The following PIK3C2G variants were observed in gnomAD, a reference collection of about 807,000 sequenced individuals.
PIK3C2G encodes phosphatidylinositol-4-phosphate 3-kinase catalytic subunit type 2 gamma, also known as phosphatidylinositol 3-kinase C2 domain-containing subunit gamma.
A neutral mutation model predicts 181.1 loss-of-function variants in PIK3C2G; 168 were observed. That is an observed-to-expected ratio of 0.93 (90% CI 0.82 to 1.05). The LOEUF (loss-of-function observed/expected upper bound fraction) is 1.05. Among genes scored for constraint, PIK3C2G ranks in the 50% least tolerant of loss-of-function variants. The pLI is 0.00. For missense variants in PIK3C2G, 1,869 were observed against 1,732.8 expected (o/e 1.08, Z -1.40); for synonymous variants, 573 against 592.2 (o/e 0.97, Z 0.47).
intron 1 of PIK3C2G, among the ~76,000 whole-genome samples, chr12:18,276,803 T>C (rs1949005329): frequency 6.6e-6 from 1 of 152,142 alleles, no homozygotes; most frequent in South Asian, 2.1e-4. Flanking sequence ...AATGTGCAAA[T>C]GAGTAATAGG....
chr12:18,265,396 C>A, intron 1 of PIK3C2G, among the ~76,000 whole-genome samples: 2 of 152,176 alleles, frequency 1.3e-5, no homozygotes, highest in Middle Eastern at 3.4e-3. Context: ...GATGGAAAAG[C>A]TAAATATATA....
intron 31 of PIK3C2G, among the ~76,000 whole-genome samples, chr12:18,635,032 C>T (rs80109034): frequency 0.091 from 13,871 of 152,230 alleles, 875 homozygotes; most frequent in Non-Finnish European, 0.14. Flanking sequence ...ATTTCTCCTT[C>T]CAAGCAAAGT....
intron 18 of PIK3C2G, among the ~76,000 whole-genome samples, chr12:18,458,838 G>A (rs1383797299): frequency 6.6e-6 from 1 of 151,092 alleles, no homozygotes; most frequent in South Asian, 2.1e-4. Context: ...AGTGGCCCCT[G>A]GCTGACAGCC....
In PIK3C2G at chr12:18,399,676, AAAGAT is replaced by A; in HGVS notation, c.2146_2150del (p.Arg716PhefsTer10). On this transcript the variant is annotated frameshift_variant, in exon 16 of 33. Transcript: ENST00000538779. LOFTEE classifies it high-confidence loss of function. ...TTTTTCAGACTCTCTGAAGAAAAGA[AAAGAT>A]ATTTATGGTTTTATCGCTTCTACTG... is the stretch of plus-strand genomic sequence containing the variant. The A allele has an allele frequency of 6.4e-7, 1 of 1,565,558 alleles. No homozygotes were observed. Among genetic ancestry groups the A allele is most frequent in the Non-Finnish European group, 8.7e-7 (1 of 1,148,776 alleles).
intron 26 of PIK3C2G, among the ~76,000 whole-genome samples, chr12:18,561,275 G>T (rs757108573): frequency 6.6e-6 from 1 of 152,042 alleles, no homozygotes; most frequent in Admixed American, 6.6e-5. Flanking sequence ...TGTACTATAC[G>T]GTACAGTTCA....
chr12:18,473,437 C>A (rs1310421481), intron 18 of PIK3C2G, among the ~76,000 whole-genome samples: 1 of 152,138 alleles, frequency 6.6e-6, no homozygotes, highest in Non-Finnish European at 1.5e-5. Context: ...GTCTGTAGAC[C>A]TTTTTATATG....
At chr12:18,424,423 T>A (rs1213298209) in intron 18 of PIK3C2G, among the ~76,000 whole-genome samples, 2 of 152,220 alleles carry the variant, frequency 1.3e-5, no homozygotes, top group African/African-American at 4.8e-5. Context: ...CTGTGCAATA[T>A]TAGTTATAAA....
At chr12:18,663,845 C>T in the PIK3C2G span, among the ~76,000 whole-genome samples, 2 of 152,232 alleles carry the variant, frequency 1.3e-5, no homozygotes, top group East Asian at 3.9e-4. Context: ...GCAAATCATA[C>T]ATCTTATAAG....
intron 25 of PIK3C2G, 45 bp downstream of exon 25, chr12:18,538,357 A>T (rs1943971393): frequency 1.3e-6 from 2 of 1,528,116 alleles, no homozygotes; most frequent in Non-Finnish European, 1.8e-6. Context: ...AGCTTCATTT[A>T]TGCCTCTGCT....
intron 5 of PIK3C2G, among the ~76,000 whole-genome samples, chr12:18,310,215 G>A (rs1249524525): frequency 2.6e-5 from 4 of 151,736 alleles, no homozygotes; most frequent in South Asian, 2.1e-4. Context: ...ATTTAAGAAA[G>A]TACAATAGGC....
the PIK3C2G span, among the ~76,000 whole-genome samples, chr12:18,676,505 C>T: frequency 6.6e-6 from 1 of 152,066 alleles, no homozygotes. Context: ...CACCTGAGGA[C>T]TCTGTTCTCT....
chr12:18,699,564 C>G, the PIK3C2G span, among the ~76,000 whole-genome samples: 5,305 of 152,106 alleles, frequency 0.035, 318 homozygotes, highest in African/African-American at 0.12. Context: ...GTGGCCACAT[C>G]GGACATTCTC....
chr12:18,691,656 A>G, the PIK3C2G span, among the ~76,000 whole-genome samples: 1 of 152,184 alleles, frequency 6.6e-6, no homozygotes, highest in Admixed American at 6.6e-5. Flanking sequence ...CTGATTTGCC[A>G]CTTCTTTTTA....
chr12:18,294,320 A>G (rs1949844016), intron 5 of PIK3C2G, among the ~76,000 whole-genome samples: 1 of 152,092 alleles, frequency 6.6e-6, no homozygotes, highest in Non-Finnish European at 1.5e-5. Context: ...AAACCAGTAA[A>G]GTCCCAAACT....
intron 30 of PIK3C2G, among the ~76,000 whole-genome samples, chr12:18,599,496 T>C (rs1339524804): frequency 6.8e-6 from 1 of 146,088 alleles, no homozygotes; most frequent in African/African-American, 2.6e-5. Context: ...TGGGGACTGT[T>C]GTGGGGTAGG....
At chr12:18,660,370 A>C in the PIK3C2G span, among the ~76,000 whole-genome samples, 1 of 152,126 alleles carries the variant, frequency 6.6e-6, no homozygotes, top group African/African-American at 2.4e-5. Context: ...AAAGGTGGGA[A>C]GTTTTGTTGC....
chr12:18,627,757 A>G (rs189639688), intron 31 of PIK3C2G, among the ~76,000 whole-genome samples: 1 of 152,216 alleles, frequency 6.6e-6, no homozygotes, highest in Admixed American at 6.6e-5. Flanking sequence ...TGTGACAGGC[A>G]CATAGATGAG....
intron 5 of PIK3C2G, among the ~76,000 whole-genome samples, chr12:18,312,528 A>G (rs1401155513): frequency 6.6e-6 from 1 of 152,166 alleles, no homozygotes; most frequent in Admixed American, 6.5e-5. Context: ...ACTTGATTAC[A>G]TGTGATAGAT....
At chr12:18,343,508 A>G (rs1424184964) in intron 10 of PIK3C2G, 148 bp downstream of exon 10, 1 of 423,142 alleles carries the variant, frequency 2.4e-6, no homozygotes, top group Non-Finnish European at 4.3e-6. Context: ...TTTTGAGGAG[A>G]AAGATGCTTT....
Sources: gnomAD v4.1 joint callset for allele counts (sites outside exome capture counted in the v4.1 genomes callset) on GRCh38, gnomAD v4.1.1 for gene constraint, MANE v1.5 for transcripts, NCBI Gene and HGNC (gene_info 2026-07-23, HGNC 2026-07-21) for gene names.